The following DNAH11 variants were observed in gnomAD, a reference collection of about 807,000 sequenced individuals.
The protein encoded by DNAH11 is dynein axonemal heavy chain 11.
A neutral mutation model predicts 526.0 loss-of-function variants in DNAH11; 442 were observed. That is an observed-to-expected ratio of 0.84 (90% CI 0.78 to 0.91). The LOEUF is 0.91. Ranked by LOEUF, DNAH11 falls within the 40% of genes least tolerant of loss-of-function variation. The pLI is 0.00. For synonymous variants in DNAH11, 2,461 were observed against 1,935.9 expected (o/e 1.27, Z -7.12); for missense variants, 6,989 against 5,448.7 (o/e 1.28, Z -8.90).
rs185890143 is a variant in DNAH11, at chr7:21,606,502, C to A, written c.3725C>A (p.Ala1242Glu). Residue 1242 changes from alanine to glutamate, a missense_variant, in exon 19 of 82, where the codon GCG becomes GAG. By Grantham distance (107) the Ala-to-Glu change is moderately radical. Transcript: ENST00000409508. ...CATGAAGTCTCACCTCTCCATAATG[C>A]GGAAGTCACTCTTATAAGGAAAAAA... ...VRHEVSPLHN[A>E]EVTLIRKKCI... 3 of 1,610,698 alleles carry A rather than the reference C, an allele frequency of 1.9e-6. No homozygotes were observed. In the African/African-American group the frequency reaches 4.0e-5, roughly 22 times the overall value.
intron 30 of DNAH11, among the ~76,000 whole-genome samples, chr7:21,665,504 T>C (rs763266446): frequency 7.8e-4 from 118 of 152,158 alleles, no homozygotes; most frequent in Non-Finnish European, 1.4e-3. Context: ...GTATAAGAAG[T>C]GTCCACTCCT....
At chr7:21,643,053 G>C (rs1335400486) in intron 28 of DNAH11, among the ~76,000 whole-genome samples, 1 of 152,148 alleles carries the variant, frequency 6.6e-6, no homozygotes, top group Non-Finnish European at 1.5e-5. Context: ...AATGATAAAA[G>C]TCTCTGGTAG....
intron 54 of DNAH11, among the ~76,000 whole-genome samples, chr7:21,754,049 G>C (rs1344610742): frequency 6.6e-6 from 1 of 152,140 alleles, no homozygotes; most frequent in Non-Finnish European, 1.5e-5. Flanking sequence ...ATAGTTGGTT[G>C]ATATCATATA....
intron 6 of DNAH11, among the ~76,000 whole-genome samples, chr7:21,565,299 C>G (rs1783621702): frequency 6.6e-6 from 1 of 152,088 alleles, no homozygotes; most frequent in South Asian, 2.1e-4. Context: ...GATTAAGGCC[C>G]CATCTTTACA....
intron 68 of DNAH11, among the ~76,000 whole-genome samples, chr7:21,857,072 C>T (rs916401602): frequency 4.6e-5 from 7 of 152,004 alleles, no homozygotes; most frequent in African/African-American, 1.4e-4. Flanking sequence ...TAGAAAATCC[C>T]AAGAAACTCA....
At chr7:21,824,327 T>C (rs896512142) in intron 65 of DNAH11, among the ~76,000 whole-genome samples, 1 of 152,220 alleles carries the variant, frequency 6.6e-6, no homozygotes, top group African/African-American at 2.4e-5. Flanking sequence ...TTGACAATTC[T>C]GCCTCCACTT....
chr7:21,637,647 T>A lies in DNAH11; in HGVS notation c.4762T>A (p.Leu1588Ile). 6.3e-7 allele frequency: 1 copy of A among 1,590,110 alleles called. No individual in the cohort carries two copies. The highest frequency in any genetic ancestry group is 8.6e-7 in the Non-Finnish European group (1 of 1,167,384). The change falls in exon 27 of 82, where the codon TTA becomes ATA. Residue 1588 changes from leucine (L) to isoleucine (I), a missense_variant. Transcript: ENST00000409508. ...MFKTAKVENVLEATCRPNLYE... is the reference protein window; with the variant it reads ...MFKTAKVENVIEATCRPNLYE... ...CAAGACAGCCAAAGTAGAAAATGTGTTAGAAGCAACGTGCAGACCTAATCT... is the reference window on the plus strand; with the variant it reads ...CAAGACAGCCAAAGTAGAAAATGTGATAGAAGCAACGTGCAGACCTAATCT...
chr7:21,588,584 G>T lies in DNAH11; in HGVS notation c.1921G>T (p.Val641Phe). The stretch of plus-strand genomic sequence containing the variant: ...AGGAAATATGAAATGGGCCCAGCAG[G>T]TTCTCCAACGACTTCAAATGTTTTG... The part of the protein sequence containing the change: ...TSGNMKWAQQ[V>F]LQRLQMFWSN... Residue 641 changes from valine to phenylalanine, a missense_variant, in exon 11 of 82, where the codon GTT (valine) becomes TTT (phenylalanine). Physicochemically the swap from Val to Phe is conservative, Grantham distance 50. Coordinates refer to ENST00000409508, the MANE Select transcript of DNAH11 (RefSeq NM_001277115.2). 1 of 1,613,674 alleles carries T rather than the reference G, an allele frequency of 6.2e-7. No homozygotes were observed. Among genetic ancestry groups the T allele is most frequent in the South Asian group, 1.1e-5 (1 of 91,078 alleles).
Position 21,786,777 on chromosome 7 carries a change from C to A in DNAH11, c.9741+10C>A. ...AGTCTTCATGGGAAAGGTATCAGCC[C>A]AGCCTGGCAAGATGAAAATCCTGAT... On this transcript the variant is annotated intron_variant, in intron 59 of 81. Transcript: ENST00000409508. 1 of 1,613,448 alleles carries A rather than the reference C, an allele frequency of 6.2e-7. No individual in the cohort carries two copies. Among genetic ancestry groups the A allele is most frequent in the Non-Finnish European group, 8.5e-7 (1 of 1,179,558 alleles).
intron 2 of DNAH11, 83 bp downstream of exon 2, chr7:21,545,232 A>G: frequency 8.3e-7 from 1 of 1,199,952 alleles, no homozygotes; most frequent in South Asian, 1.6e-5. Flanking sequence ...GATAATTAAA[A>G]AAAGAAGAGC....
At chr7:21,566,609 A>G (rs115420116) in intron 6 of DNAH11, among the ~76,000 whole-genome samples, 27,581 of 151,724 alleles carry the variant, frequency 0.18, 2,575 homozygotes, top group Middle Eastern at 0.24. Context: ...ATAATGAAAA[A>G]AAAAAAAACA....
rs13438600 is a variant in DNAH11 at position 21,759,389 on chromosome 7, C to T, written c.8941-6039C>T. Among the ~76,000 whole-genome samples, 1,190 of 152,276 alleles carry T rather than the reference C, an allele frequency of 7.8e-3. 12 individuals carry two copies. Among genetic ancestry groups the T allele is most frequent in the African/African-American group, 0.027 (1,140 of 41,546 alleles). On this transcript the variant is annotated intron_variant, in intron 54 of 81. Coordinates refer to ENST00000409508, the MANE Select transcript of DNAH11 (RefSeq NM_001277115.2). ...AATAAGAAAATGTACTGAGTGTGCA[C>T]ATGTTGAAGCTATTGGATCTTTTAA...
intron 74 of DNAH11, among the ~76,000 whole-genome samples, chr7:21,874,170 T>G (rs2128039144): frequency 6.6e-6 from 1 of 152,274 alleles, no homozygotes. Flanking sequence ...TTATTCTTGT[T>G]GATGATGGCG....
At chr7:21,580,248 C>T (rs1784259426) in intron 8 of DNAH11, among the ~76,000 whole-genome samples, 1 of 152,070 alleles carries the variant, frequency 6.6e-6, no homozygotes, top group Admixed American at 6.6e-5. Context: ...GACCTTAAGC[C>T]GTATGTTCTC....
At chr7:21,723,957 C>T (rs1364439297) in intron 44 of DNAH11, among the ~76,000 whole-genome samples, 1 of 152,234 alleles carries the variant, frequency 6.6e-6, no homozygotes, top group Non-Finnish European at 1.5e-5. Context: ...GTTGGCTTAG[C>T]CTCAGCTGGA....
intron 63 of DNAH11, among the ~76,000 whole-genome samples, chr7:21,811,293 C>T (rs997477604): frequency 6.6e-6 from 1 of 151,226 alleles, no homozygotes; most frequent in Non-Finnish European, 1.5e-5. Flanking sequence ...TGAAACCCCC[C>T]CCCCTACTAA....
intron 18 of DNAH11, among the ~76,000 whole-genome samples, chr7:21,604,595 C>G (rs1266511854): frequency 6.6e-6 from 1 of 152,170 alleles, no homozygotes; most frequent in Non-Finnish European, 1.5e-5. Flanking sequence ...CGTTGAGCCT[C>G]AGTTTCAGTG....
Position 21,571,971 on chromosome 7 carries a change from A to T in DNAH11, c.1591A>T (p.Met531Leu). 1 of 1,548,956 alleles carries T rather than the reference A, an allele frequency of 6.5e-7. No homozygotes were observed. The highest frequency in any genetic ancestry group is 1.3e-5 in the South Asian group (1 of 77,872). ...TTATGACCCATCTGATTGCACTAAC[A>T]TGGTAATGTTGTACCTTTGCATTTT... ...STYDPSDCTN[M>L]EFESDYVAFK... Residue 531 changes from methionine to leucine, a missense_variant and splice_region_variant, in exon 8 of 82, where the codon ATG (methionine) becomes TTG (leucine). Physicochemically the swap from Met to Leu is conservative, Grantham distance 15. Coordinates refer to ENST00000409508, the MANE Select transcript of DNAH11 (RefSeq NM_001277115.2).
At position 21,894,721 on chromosome 7, in the gene DNAH11, T is replaced by A; in HGVS notation, c.12849T>A (p.Leu4283=). 1 of 1,613,802 alleles carries A rather than the reference T, an allele frequency of 6.2e-7. No homozygotes were observed. The highest frequency in any genetic ancestry group is 8.5e-7 in the Non-Finnish European group (1 of 1,179,842). ...QKNSNRSPYV[L]VCFQECERMN... is the part of the protein sequence containing the mutation. ...ATTCAAATAGAAGCCCATATGTTCT[T>A]GTTTGCTTCCAAGAATGTGAGAGGA... The change falls in exon 78 of 82, where the codon CTT becomes CTA. Residue 4283 remains leucine (L), a synonymous_variant. Coordinates refer to ENST00000409508, the MANE Select transcript of DNAH11 (RefSeq NM_001277115.2).
Sources: allele counts gnomAD v4.1 joint callset (sites outside exome capture counted in the v4.1 genomes callset), GRCh38; gene constraint gnomAD v4.1.1; transcripts MANE v1.5; gene names NCBI Gene and HGNC (gene_info 2026-07-23, HGNC 2026-07-21).